The following DOCK4 variants were observed in gnomAD, a reference collection of about 807,000 sequenced individuals.
DOCK4 encodes the protein dedicator of cytokinesis protein 4.
DOCK4 carries 97 observed loss-of-function variants against 268.1 expected under a neutral mutation model. The ratio of observed to expected loss-of-function variants is 0.36; its 90% confidence interval spans 0.31 to 0.43. The LOEUF (loss-of-function observed/expected upper bound fraction) is 0.43, where lower values mean the gene tolerates loss of function less well. DOCK4 is among the 20% of genes least tolerant of loss of function. The pLI, the probability that DOCK4 is intolerant of heterozygous loss-of-function variation, is 1.00. For missense variants in DOCK4, 2,145 were observed against 2,455.7 expected, an observed-to-expected ratio of 0.87 and a Z score of 2.67; for synonymous variants, 954 against 887.2, an observed-to-expected ratio of 1.08 and a Z score of -1.34.
intron 1 of DOCK4, among the ~76,000 whole-genome samples, chr7:112,024,333 G>A (rs1385833476): frequency 1.3e-5 from 2 of 152,210 alleles, no homozygotes; most frequent in Middle Eastern, 3.4e-3. Flanking sequence ...AGTATACTTA[G>A]TATATTCAAC....
chr7:111,993,161 AT>A (rs1799669141), intron 5 of DOCK4, among the ~76,000 whole-genome samples: 1 of 152,214 alleles, frequency 6.6e-6, no homozygotes, highest in African/African-American at 2.4e-5. Flanking sequence ...TCAGTGAAAT[AT>A]CCTATTGCAT....
intron 1 of DOCK4, among the ~76,000 whole-genome samples, chr7:112,184,176 G>A (rs961526146): frequency 6.6e-6 from 1 of 152,200 alleles, no homozygotes; most frequent in Non-Finnish European, 1.5e-5. Flanking sequence ...GAGTTTCTAA[G>A]CTTTGTGAGA....
chr7:112,122,401 T>A (rs1440058934), intron 1 of DOCK4, among the ~76,000 whole-genome samples: 1 of 151,998 alleles, frequency 6.6e-6, no homozygotes, highest in African/African-American at 2.4e-5. Flanking sequence ...TAGAGGTGGG[T>A]CATTATGTTT....
chr7:111,766,136 TAAAAC>T (rs917512919), intron 38 of DOCK4, among the ~76,000 whole-genome samples: 8 of 152,290 alleles, frequency 5.3e-5, no homozygotes, highest in African/African-American at 1.7e-4. Flanking sequence ...GGACTGAAGT[TAAAAC>T]AAGCTTTTTC....
chr7:112,043,661 C>T (rs74763881), intron 1 of DOCK4, among the ~76,000 whole-genome samples: 1 of 151,860 alleles, frequency 6.6e-6, no homozygotes, highest in African/African-American at 2.4e-5. Flanking sequence ...ATTACAAGCA[C>T]CAGTAGATGC....
At chr7:111,944,445 T>C (rs921998158) in intron 10 of DOCK4, among the ~76,000 whole-genome samples, 1 of 152,200 alleles carries the variant, frequency 6.6e-6, no homozygotes, top group Non-Finnish European at 1.5e-5. Flanking sequence ...AGAGCCTTCA[T>C]TAACTTATAG....
chr7:111,894,059 T>C (rs753844908), intron 16 of DOCK4, among the ~76,000 whole-genome samples: 1 of 151,986 alleles, frequency 6.6e-6, no homozygotes, highest in African/African-American at 2.4e-5. Flanking sequence ...CCGTCTCTAC[T>C]AAAAATACAA....
rs1444667906 is a variant in DOCK4 at position 111,861,572 on chromosome 7, C to A, written c.2473+1800G>T. Among the ~76,000 whole-genome samples the A allele has an allele frequency of 5.9e-5, 9 of 151,710 alleles. No homozygotes were observed. The East Asian group carries it at 1.6e-3, about 26-fold the overall frequency. ...GACCAGCCTGGCCAACATGGTGAAA[C>A]CCCATCTCTACCAAAATACAAAAAT... On this transcript the variant is annotated intron_variant, in intron 23 of 52. Transcript: ENST00000428084.
At chr7:112,081,638 C>T (rs1374919048) in intron 1 of DOCK4, among the ~76,000 whole-genome samples, 1 of 152,114 alleles carries the variant, frequency 6.6e-6, no homozygotes, top group African/African-American at 2.4e-5. Flanking sequence ...TGTCAGTTAT[C>T]TCAAATGTTT....
At chr7:112,063,616 G>A (rs935675578) in intron 1 of DOCK4, among the ~76,000 whole-genome samples, 6 of 152,106 alleles carry the variant, frequency 3.9e-5, no homozygotes, top group Admixed American at 2.0e-4. Flanking sequence ...ATGCATATTC[G>A]CTTTTGTAGC....
chr7:112,057,604 C>A (rs1161412558), intron 1 of DOCK4, among the ~76,000 whole-genome samples: 1 of 151,162 alleles, frequency 6.6e-6, no homozygotes, highest in Non-Finnish European at 1.5e-5. Flanking sequence ...AAGACCTTAT[C>A]CTTGCAAAAA....
intron 1 of DOCK4, among the ~76,000 whole-genome samples, chr7:112,138,904 G>A (rs192157240): frequency 1.3e-5 from 2 of 152,250 alleles, no homozygotes; most frequent in East Asian, 1.9e-4. Context: ...GCCAGGAAGT[G>A]GGCCTGCATT....
chr7:111,845,724 C>T (rs1249341487), intron 24 of DOCK4, among the ~76,000 whole-genome samples: 1 of 152,126 alleles, frequency 6.6e-6, no homozygotes, highest in Non-Finnish European at 1.5e-5. Context: ...GATTTTCCCT[C>T]CAGTGACTTG....
At chr7:111,771,788 T>G (rs1798140769) in intron 36 of DOCK4, among the ~76,000 whole-genome samples, 1 of 152,182 alleles carries the variant, frequency 6.6e-6, no homozygotes, top group South Asian at 2.1e-4. Context: ...CTCACATACC[T>G]CTCTGATTCA....
chr7:111,745,514 C>G (rs1004573468), intron 44 of DOCK4, among the ~76,000 whole-genome samples: 2 of 151,420 alleles, frequency 1.3e-5, no homozygotes, highest in African/African-American at 4.9e-5. Context: ...AACCCCGTCT[C>G]TACTAAAAAT....
intron 1 of DOCK4, among the ~76,000 whole-genome samples, chr7:112,059,975 T>C (rs1806247729): frequency 6.6e-6 from 1 of 152,172 alleles, no homozygotes; most frequent in African/African-American, 2.4e-5. Flanking sequence ...AAAACACTGG[T>C]ATAATGGAAA....
intron 1 of DOCK4, among the ~76,000 whole-genome samples, chr7:112,055,844 G>A (rs1805766723): frequency 2.0e-5 from 3 of 151,830 alleles, no homozygotes; most frequent in Admixed American, 2.0e-4. Context: ...GGAGGCAGAG[G>A]CTGCAGTGAG....
rs116989992 is a variant in DOCK4, at chr7:112,176,107, C to T, written c.37+29995G>A. Among the ~76,000 whole-genome samples the T allele has an allele frequency of 1.0e-2, 1,519 of 152,286 alleles. 4 individuals carry two copies. Among genetic ancestry groups the T allele is most frequent in the Non-Finnish European group, 0.015 (1,014 of 68,030 alleles). ...CATCAACCAACACCATTATTTCAAT[C>T]ATTCCTTTGTTTGGAGAGCAGGTGT... On this transcript the variant is annotated intron_variant, in intron 1 of 52. Transcript: ENST00000428084.
intron 1 of DOCK4, among the ~76,000 whole-genome samples, chr7:112,066,676 C>CATATACAT (rs1807022216): frequency 1.9e-5 from 1 of 52,088 alleles, no homozygotes; most frequent in African/African-American, 1.2e-4. Flanking sequence ...TATACATATA[C>CATATACAT]ATATATACAT....
Sources: gnomAD v4.1 joint callset for allele counts (sites outside exome capture counted in the v4.1 genomes callset) on GRCh38, gnomAD v4.1.1 for gene constraint, MANE v1.5 for transcripts, NCBI Gene and HGNC (gene_info 2026-07-23, HGNC 2026-07-21) for gene names.